CHST15: variants seen among roughly 807,000 people sequenced by gnomAD.
CHST15 encodes B cell RAG associated protein (GALNAC4S-6ST).
A neutral mutation model predicts 53.6 loss-of-function variants in CHST15; 30 were observed. The observed-to-expected ratio is 0.56, with a 90% CI of 0.42 to 0.76. CHST15 has a LOEUF of 0.76. Ranked by LOEUF, CHST15 falls within the 30% of genes least tolerant of loss-of-function variation. The probability of loss-of-function intolerance (pLI) is 0.00; values close to 1 mark genes in which losing one functional copy is unlikely to be tolerated. For missense variants in CHST15, 627 were observed against 740.5 expected (o/e 0.85, Z 1.78); for synonymous variants, 296 against 289.8 (o/e 1.02, Z -0.22).
At chr10:124,042,757 A>G (rs1947791935) in intron 3 of CHST15, among the ~76,000 whole-genome samples, 1 of 152,132 alleles carries the variant, frequency 6.6e-6, no homozygotes, top group East Asian at 1.9e-4. Flanking sequence ...GGAGGGACAA[A>G]GTCTGGGGCT....
intron 7 of CHST15, chr10:124,011,512 CG>C (rs750786269): frequency 6.0e-5 from 59 of 985,358 alleles, no homozygotes; most frequent in Non-Finnish European, 7.1e-5. Flanking sequence ...ACCAAGTTCC[CG>C]GGCAAGACCA....
At chr10:124,091,962 T>A (rs2134280279) in intron 1 of CHST15, among the ~76,000 whole-genome samples, 1 of 148,192 alleles carries the variant, frequency 6.7e-6, no homozygotes, top group African/African-American at 2.5e-5. Context: ...GACGGGGAGG[T>A]CAAGCAGCTG....
At chr10:124,014,117 G>C (rs75462362) in intron 6 of CHST15, among the ~76,000 whole-genome samples, 1 of 152,304 alleles carries the variant, frequency 6.6e-6, no homozygotes, top group East Asian at 1.9e-4. Flanking sequence ...TGGCTCCCCA[G>C]GCTCCTCCCT....
intron 1 of CHST15, among the ~76,000 whole-genome samples, chr10:124,062,724 G>A (rs1431439754): frequency 6.6e-6 from 1 of 152,106 alleles, no homozygotes; most frequent in Non-Finnish European, 1.5e-5. Context: ...CAGCCGAGCC[G>A]GAATCAGTGG....
At chr10:124,061,108 GA>G (rs1948557844) in intron 1 of CHST15, among the ~76,000 whole-genome samples, 1 of 152,240 alleles carries the variant, frequency 6.6e-6, no homozygotes, top group African/African-American at 2.4e-5. Flanking sequence ...GTAAATGGCA[GA>G]ACTGGATTTA....
At chr10:124,069,650 A>C (rs1490762125) in intron 1 of CHST15, among the ~76,000 whole-genome samples, 1 of 152,172 alleles carries the variant, frequency 6.6e-6, no homozygotes, top group Non-Finnish European at 1.5e-5. Context: ...TGAGTCACTG[A>C]CTTTAAACAG....
chr10:124,075,983 T>G (rs1226720250), intron 1 of CHST15, among the ~76,000 whole-genome samples: 1 of 152,152 alleles, frequency 6.6e-6, no homozygotes, highest in Non-Finnish European at 1.5e-5. Flanking sequence ...TGACCTACAG[T>G]GGCCCCTAAA....
At chr10:124,063,363 G>A (rs953369666) in intron 1 of CHST15, among the ~76,000 whole-genome samples, 2 of 151,898 alleles carry the variant, frequency 1.3e-5, no homozygotes, top group East Asian at 3.9e-4. Context: ...AGCCTGGGGG[G>A]ACAGAGTGAC....
At chr10:124,060,249 C>T (rs1360962564) in intron 1 of CHST15, among the ~76,000 whole-genome samples, 1 of 151,770 alleles carries the variant, frequency 6.6e-6, no homozygotes, top group Non-Finnish European at 1.5e-5. Context: ...GTGCCAGCCC[C>T]GCCCCCAGGA....
chr10:124,045,129 A>AAAAC (rs1564882183), intron 2 of CHST15, among the ~76,000 whole-genome samples: 1 of 148,280 alleles, frequency 6.7e-6, no homozygotes, highest in Non-Finnish European at 1.5e-5. Context: ...AAAAAAAAAA[A>AAAAC]AAAAAAAAAA....
intron 5 of CHST15, among the ~76,000 whole-genome samples, chr10:124,031,377 T>G (rs1212239616): frequency 6.6e-6 from 1 of 152,198 alleles, no homozygotes; most frequent in Non-Finnish European, 1.5e-5. Context: ...TGTCATTATG[T>G]GAATGTCATA....
chr10:124,086,132 C>T (rs951998659), intron 1 of CHST15, among the ~76,000 whole-genome samples: 1 of 152,256 alleles, frequency 6.6e-6, no homozygotes, highest in Non-Finnish European at 1.5e-5. Context: ...ATCACCATTA[C>T]CTCAATCATG....
At chr10:124,014,654 T>C (rs576833187) in intron 6 of CHST15, among the ~76,000 whole-genome samples, 1 of 152,298 alleles carries the variant, frequency 6.6e-6, no homozygotes, top group East Asian at 1.9e-4. Flanking sequence ...GGCAGGCTTG[T>C]AGGCCGTCCC....
At chr10:124,015,398 G>T (rs572604495) in intron 6 of CHST15, among the ~76,000 whole-genome samples, 2 of 80,188 alleles carry the variant, frequency 2.5e-5, no homozygotes, top group Admixed American at 1.1e-4. Context: ...AGGGCAGGGC[G>T]GGGGGGGCTA....
chr10:124,080,589 TAA>T (rs755928129), intron 1 of CHST15, among the ~76,000 whole-genome samples: 6 of 152,186 alleles, frequency 3.9e-5, no homozygotes, highest in Non-Finnish European at 8.8e-5. Context: ...AGGGCCTCAA[TAA>T]AGAGTTCTTT....
intron 4 of CHST15, among the ~76,000 whole-genome samples, 191 bp downstream of exon 4, chr10:124,042,110 A>C (rs763926369): frequency 6.6e-5 from 10 of 152,256 alleles, no homozygotes; most frequent in Non-Finnish European, 1.2e-4. Context: ...ACTTTATAGT[A>C]ATGTTCAAGT....
chr10:124,080,049 G>A (rs547214737), intron 1 of CHST15, among the ~76,000 whole-genome samples: 12 of 152,194 alleles, frequency 7.9e-5, no homozygotes, highest in Non-Finnish European at 1.6e-4. Flanking sequence ...CCCTTAGTGA[G>A]AGGACAGGGA....
At chr10:124,078,441 C>T (rs878962662) in intron 1 of CHST15, among the ~76,000 whole-genome samples, 2 of 152,328 alleles carry the variant, frequency 1.3e-5, no homozygotes, top group Admixed American at 6.5e-5. Context: ...ATACTAAATA[C>T]TCAATGCAGC....
At chr10:124,020,371 G>A (rs923690875) in intron 6 of CHST15, 13 of 985,334 alleles carry the variant, frequency 1.3e-5, no homozygotes, top group South Asian at 4.7e-5. Context: ...CAGGCTCTGG[G>A]GTTACCTGTG....
Sources: allele counts gnomAD v4.1 joint callset (sites outside exome capture counted in the v4.1 genomes callset), GRCh38; gene constraint gnomAD v4.1.1; transcripts MANE v1.5; gene names NCBI Gene and HGNC (gene_info 2026-07-23, HGNC 2026-07-21).